Variants in COL18A1 observed in about 807,000 individuals in gnomAD.
COL18A1 encodes collagen alpha-1(XVIII) chain.
A neutral mutation model predicts 168.0 loss-of-function variants in COL18A1; 133 were observed. The ratio of observed to expected loss-of-function variants is 0.79; its 90% confidence interval spans 0.69 to 0.91. The LOEUF is 0.91. Ranked by LOEUF, COL18A1 falls within the 40% of genes least tolerant of loss-of-function variation. COL18A1 has a pLI of 0.00. For missense variants in COL18A1, 2,126 were observed against 1,925.4 expected (o/e 1.10, Z -1.95); for synonymous variants, 949 against 809.0 (o/e 1.17, Z -2.94).
Position 45,456,742 on chromosome 21 carries a change from C to T in COL18A1, c.107-11500C>T, listed in dbSNP as rs1294772941. 16 of 1,536,876 alleles carry T rather than the reference C, an allele frequency of 1.0e-5. No homozygotes were observed. The South Asian group carries it at 1.9e-4, about 18-fold the overall frequency. The stretch of plus-strand genomic sequence containing the variant: ...CATGCGGCAGCGTCCCGCCGCCCGC[C>T]CCGCCACCCTGCTGCCAGTTCTGCG... On this transcript the variant is annotated intron_variant, in intron 2 of 41. Coordinates refer to ENST00000651438, the MANE Select transcript of COL18A1 (RefSeq NM_001379500.1).
Position 45,434,389 on chromosome 21 carries a change from C to T in COL18A1, c.106+28916C>T, listed in dbSNP as rs2034044451. 3.3e-5 allele frequency among the ~76,000 whole-genome samples: 5 copies of T among 152,198 alleles called. No individual in the cohort carries two copies. The South Asian group carries it at 1.0e-3, about 32-fold the overall frequency. ...CAGGTACCTTTCCCATCTGACCCCC[C>T]AGGCAGCCATTAACAGGTCCAGGTG... On this transcript the variant is annotated intron_variant, in intron 2 of 41. Coordinates refer to ENST00000651438, the MANE Select transcript of COL18A1 (RefSeq NM_001379500.1).
At chr21:45,507,207 C>A in intron 37 of COL18A1, 1 of 188,918 alleles carries the variant, frequency 5.3e-6, no homozygotes, top group Non-Finnish European at 9.4e-6. Context: ...GGGCACCCTC[C>A]TGTGGGCTGG....
chr21:45,450,989 C>T (rs886318750), intron 2 of COL18A1, among the ~76,000 whole-genome samples: 13 of 152,226 alleles, frequency 8.5e-5, no homozygotes, highest in Middle Eastern at 3.2e-3. Flanking sequence ...CCAGGGCCCT[C>T]GTGGCTGCTC....
chr21:45,491,114 G>A (rs973671204), intron 21 of COL18A1, 111 bp from the exon 22 acceptor site: 58 of 990,806 alleles, frequency 5.9e-5, no homozygotes, highest in Admixed American at 2.4e-4. Context: ...AGCCCCGGGC[G>A]CCTCCTCACC....
rs527807902 is a variant in COL18A1, at chr21:45,489,385, T to A, written c.1924-101T>A. 1.0e-4 allele frequency: 87 copies of A among 873,042 alleles called. 1 individual carries two copies. The East Asian group carries it at 1.5e-3, about 15-fold the overall frequency. The allele number at this position is 873,042 out of a possible 1,614,324, so 54.1% of individuals were successfully genotyped here. A position where few individuals can be genotyped will look rare whatever the true frequency, so the allele number is the denominator to read the frequency against. ...TCTGGGCTGGGGGAGGGCGGTGAGA[T>A]GCATCCTGGGTAACTCACCCTTCCC... On this transcript the variant is annotated intron_variant, in intron 18 of 41. Coordinates refer to ENST00000651438, the MANE Select transcript of COL18A1 (RefSeq NM_001379500.1).
intron 2 of COL18A1, among the ~76,000 whole-genome samples, chr21:45,461,546 A>C (rs1288895247): frequency 6.6e-6 from 1 of 152,070 alleles, no homozygotes; most frequent in East Asian, 1.9e-4. Context: ...CTTGTCCTGC[A>C]TCTGCTGCAA....
intron 2 of COL18A1, among the ~76,000 whole-genome samples, chr21:45,439,269 C>T (rs2034301827): frequency 6.6e-6 from 1 of 152,238 alleles, no homozygotes; most frequent in African/African-American, 2.4e-5. Context: ...AGGCCTGGAC[C>T]GCCCGAGTGG....
intron 21 of COL18A1, 62 bp from the exon 22 acceptor site, chr21:45,491,163 A>T (rs2036326439): frequency 7.1e-7 from 1 of 1,411,660 alleles, no homozygotes; most frequent in African/African-American, 1.4e-5. Flanking sequence ...GGCTGGGTGG[A>T]CTCTGGGGTC....
At chr21:45,490,550 T>TCCCGGGTC (rs2036292469) in intron 20 of COL18A1, among the ~76,000 whole-genome samples, 6 of 92,582 alleles carry the variant, frequency 6.5e-5, no homozygotes, top group African/African-American at 1.1e-4. Context: ...CCGTGTGCCC[T>TCCCGGGTC]CCTGGGTCTC....
chr21:45,444,303 G>T (rs188169080), intron 2 of COL18A1, among the ~76,000 whole-genome samples: 420 of 152,272 alleles, frequency 2.8e-3, no homozygotes, highest in African/African-American at 9.8e-3. Flanking sequence ...TGAATGAAGG[G>T]CCGTGTGCCC....
chr21:45,498,410 G>A lies in COL18A1; in HGVS notation c.2683+749G>A, dbSNP rs1374337402. ...GCCAGGGTCCCCTCTCGCCGCCAGGGTCCCCTCTCGCCGCCACGGTCCCCT... is the reference window on the plus strand; with the variant it reads ...GCCAGGGTCCCCTCTCGCCGCCAGGATCCCCTCTCGCCGCCACGGTCCCCT... On this transcript the variant is annotated intron_variant, in intron 32 of 41. Transcript: ENST00000651438. This position sits in a 1 kb window ranked among gnomAD's most constrained non-coding sequence, Gnocchi z 4.5. The A allele has an allele frequency of 1.5e-6, 1 of 684,638 alleles. No homozygotes were observed. Among genetic ancestry groups the A allele is most frequent in the South Asian group, 1.5e-5 (1 of 66,418 alleles). The allele number at this position is 684,638 out of a possible 1,614,324, so 42.4% of individuals were successfully genotyped here. A position where few individuals can be genotyped will look rare whatever the true frequency, so the allele number is the denominator to read the frequency against.
intron 14 of COL18A1, among the ~76,000 whole-genome samples, 160 bp from the exon 15 acceptor site, chr21:45,482,635 G>A (rs1313560967): frequency 2.0e-5 from 3 of 152,210 alleles, no homozygotes; most frequent in Non-Finnish European, 2.9e-5. Context: ...CACCAGAAAG[G>A]GGGGATGACA....
rs1200238740 is a variant in COL18A1 at position 45,409,103 on chromosome 21, A to G, written c.106+3630A>G. Among the ~76,000 whole-genome samples, 6 of 152,258 alleles carry G rather than the reference A, an allele frequency of 3.9e-5. No homozygotes were observed. In the East Asian group the frequency reaches 9.7e-4, roughly 25 times the overall value. ...CACCCCCGGCATGGGGCACTGGACC[A>G]TGCAGAGAAGGGGCCACCCCAGTGC... On this transcript the variant is annotated intron_variant, in intron 2 of 41. Coordinates refer to ENST00000651438, the MANE Select transcript of COL18A1 (RefSeq NM_001379500.1).
At chr21:45,437,729 C>G (rs1457422940) in intron 2 of COL18A1, among the ~76,000 whole-genome samples, 1 of 62,338 alleles carries the variant, frequency 1.6e-5, no homozygotes, top group Non-Finnish European at 2.9e-5. Flanking sequence ...CACTCTCCTG[C>G]ACACACACAC....
Position 45,492,578 on chromosome 21 carries a change from C to T in COL18A1, c.2187+14C>T, listed in dbSNP as rs2036389096. 6.2e-7 allele frequency: 1 copy of T among 1,612,972 alleles called. No homozygotes were observed. The highest frequency in any genetic ancestry group is 1.1e-5 in the South Asian group (1 of 91,088). On this transcript the variant is annotated intron_variant, in intron 23 of 41. Coordinates refer to ENST00000651438, the MANE Select transcript of COL18A1 (RefSeq NM_001379500.1). The stretch of plus-strand genomic sequence containing the variant: ...CCGGGACCTGAGGTATGTGCCTGCC[C>T]AGCTTCTAAGAGACGGGCCTGCGGG...
At chr21:45,509,277 A>T in intron 38 of COL18A1, 79 bp from the exon 39 acceptor site, 1 of 1,520,934 alleles carries the variant, frequency 6.6e-7, no homozygotes, top group Non-Finnish European at 8.8e-7. Context: ...CCTCTCACCC[A>T]GCCCAGAGGA....
intron 22 of COL18A1, 134 bp downstream of exon 22, chr21:45,491,448 C>T (rs1316006312): frequency 1.5e-5 from 8 of 527,572 alleles, no homozygotes; most frequent in Middle Eastern, 4.5e-4. Flanking sequence ...CTACACTCCA[C>T]CTCCTCGGTG....
intron 2 of COL18A1, among the ~76,000 whole-genome samples, chr21:45,452,447 C>A (rs1300693105): frequency 6.6e-6 from 1 of 151,274 alleles, no homozygotes; most frequent in African/African-American, 2.4e-5. Flanking sequence ...TGTGAGTACT[C>A]ACGTGTGACA....
intron 2 of COL18A1, among the ~76,000 whole-genome samples, chr21:45,440,943 G>T (rs1019657269): frequency 6.6e-6 from 1 of 152,190 alleles, no homozygotes; most frequent in African/African-American, 2.4e-5. Flanking sequence ...GGACGTTATC[G>T]TGCGTGGGAA....
Sources: allele counts gnomAD v4.1 joint callset (sites outside exome capture counted in the v4.1 genomes callset), GRCh38; gene constraint gnomAD v4.1.1; non-coding constraint Gnocchi (gnomAD v3.1); transcripts MANE v1.5; gene names NCBI Gene and HGNC (gene_info 2026-07-23, HGNC 2026-07-21).